Variants in NLGN4X observed in about 807,000 individuals in gnomAD.
The protein encoded by NLGN4X is neuroligin 4 X-linked, also known as neuroligin-4, X-linked.
Under a neutral mutation model 40.3 loss-of-function variants are expected in NLGN4X, and 3 were observed. The observed-to-expected ratio is 0.07, with a 90% confidence interval of 0.03 to 0.19. The LOEUF is 0.19. NLGN4X is among the 10% of genes least tolerant of loss of function. The pLI is 1.00. For synonymous variants in NLGN4X, 270 were observed against 306.8 expected (o/e 0.88, Z 1.25); for missense variants, 382 against 708.3 (o/e 0.54, Z 5.23).
In NLGN4X at chrX:6,148,368, C is replaced by A. The variant is rs139641755; in HGVS notation, c.472+2627G>T. ...TGCTCTCTCTCCTGCTAAATAAAAGCATTGATCTGAACTGAGATACTCCCT... is the reference window on the plus strand; with the variant it reads ...TGCTCTCTCTCCTGCTAAATAAAAGAATTGATCTGAACTGAGATACTCCCT... On this transcript the variant is annotated intron_variant, in intron 2 of 5. Coordinates refer to ENST00000381095, the MANE Select transcript of NLGN4X (RefSeq NM_181332.3). Among the ~76,000 whole-genome samples, 556 of 111,809 alleles carry A rather than the reference C, an allele frequency of 5.0e-3. 5 individuals carry two copies. In the South Asian group the frequency reaches 0.055, roughly 11 times the overall value.
At chrX:6,224,385 C>T (rs1265729372) in intron 1 of NLGN4X, among the ~76,000 whole-genome samples, 1 of 111,689 alleles carries the variant, frequency 9.0e-6, no homozygotes, top group Non-Finnish European at 1.9e-5. Context: ...TTAAAGAGAC[C>T]CCTGCACTTC....
intron 2 of NLGN4X, among the ~76,000 whole-genome samples, chrX:6,036,608 G>GTGCACA (rs1555955013): frequency 1.3e-5 from 1 of 75,640 alleles, no homozygotes; most frequent in Non-Finnish European, 2.6e-5. Context: ...CTTGTGGCTG[G>GTGCACA]CGCACACACA....
At chrX:5,965,123 G>T (rs2146993708) in intron 3 of NLGN4X, among the ~76,000 whole-genome samples, 1 of 111,744 alleles carries the variant, frequency 8.9e-6, no homozygotes, top group African/African-American at 3.2e-5. Flanking sequence ...CTATTAAATT[G>T]AATGGCTTAT....
chrX:6,138,596 A>C (rs1488231332), intron 2 of NLGN4X, among the ~76,000 whole-genome samples: 1 of 111,912 alleles, frequency 8.9e-6, no homozygotes. Context: ...TATCTCAAAA[A>C]TGCTCTGGGT....
intron 2 of NLGN4X, among the ~76,000 whole-genome samples, chrX:6,139,829 T>C (rs1304298525): frequency 8.9e-6 from 1 of 111,801 alleles, no homozygotes; most frequent in African/African-American, 3.3e-5. Context: ...TCTATGCTGA[T>C]TGCAAATAAT....
rs760510825 is a variant in NLGN4X at position 5,991,260 on chromosome X, T to C, written c.625+38020A>G. 2.6e-3 allele frequency among the ~76,000 whole-genome samples: 289 copies of C among 110,148 alleles called. 1 individual carries two copies. Among genetic ancestry groups the C allele is most frequent in the South Asian group, 8.2e-3 (21 of 2,560 alleles). The stretch of plus-strand genomic sequence containing the variant: ...AAATATTTCCTTTCCTTTTTTTTTT[T>C]CCCCCAAAGGAACAATATCCAATGA... On this transcript the variant is annotated intron_variant, in intron 3 of 5. Coordinates refer to ENST00000381095, the MANE Select transcript of NLGN4X (RefSeq NM_181332.3).
At chrX:5,915,910 C>T (rs977519866) in intron 3 of NLGN4X, among the ~76,000 whole-genome samples, 3 of 112,148 alleles carry the variant, frequency 2.7e-5, no homozygotes, top group Admixed American at 1.9e-4. Context: ...GACTCTCATT[C>T]AATTGGCTGT....
At chrX:6,225,976 G>C (rs1388050312) in intron 1 of NLGN4X, among the ~76,000 whole-genome samples, 1 of 104,559 alleles carries the variant, frequency 9.6e-6, no homozygotes, top group East Asian at 3.0e-4. Flanking sequence ...GATCCAGCTC[G>C]CAAGAACATC....
At chrX:6,095,108 TG>T (rs2038737589) in intron 2 of NLGN4X, among the ~76,000 whole-genome samples, 2 of 25,329 alleles carry the variant, frequency 7.9e-5, no homozygotes, top group East Asian at 1.2e-3. Flanking sequence ...CGTGCGTGTG[TG>T]TGTGTGTGTG....
chrX:6,022,110 A>G (rs1272652172), intron 3 of NLGN4X, among the ~76,000 whole-genome samples: 1 of 111,608 alleles, frequency 9.0e-6, no homozygotes, highest in East Asian at 2.8e-4. Context: ...TCCTCATTTA[A>G]CTTTTTGCAG....
intron 3 of NLGN4X, among the ~76,000 whole-genome samples, chrX:6,013,478 C>A (rs1282643405): frequency 9.0e-6 from 1 of 110,871 alleles, no homozygotes; most frequent in East Asian, 2.8e-4. Flanking sequence ...GAGTCAAAAA[C>A]CCTGCAACGG....
intron 1 of NLGN4X, among the ~76,000 whole-genome samples, chrX:6,197,216 A>C (rs1248205030): frequency 3.6e-5 from 4 of 111,218 alleles, no homozygotes; most frequent in Non-Finnish European, 5.7e-5. Flanking sequence ...AGAAGGCCAC[A>C]AGACAGAACG....
intron 3 of NLGN4X, 60 bp downstream of exon 3, chrX:6,029,220 C>G: frequency 8.6e-7 from 1 of 1,169,506 alleles, no homozygotes. Flanking sequence ...CCCGTCAAAA[C>G]GAGAAGTGGA....
intron 2 of NLGN4X, among the ~76,000 whole-genome samples, chrX:6,055,716 A>G (rs1024033455): frequency 9.8e-5 from 11 of 112,410 alleles, no homozygotes; most frequent in Non-Finnish European, 5.6e-5. Context: ...TATTTAACAC[A>G]TTAAATATAA....
intron 3 of NLGN4X, among the ~76,000 whole-genome samples, chrX:5,997,052 T>C (rs2035838802): frequency 9.0e-6 from 1 of 110,993 alleles, no homozygotes; most frequent in Non-Finnish European, 1.9e-5. Context: ...CGGTCGGAAG[T>C]TAGTAGTTCC....
rs970193401 is a variant in NLGN4X, at chrX:6,073,164, C to A, written c.473-43732G>T. 1.4e-4 allele frequency among the ~76,000 whole-genome samples: 16 copies of A among 111,819 alleles called. No homozygotes were observed. The Admixed American group carries it at 1.5e-3, about 11-fold the overall frequency. ...TCTTAAATGCTGCAACCTACTTATT[C>A]CTCCTGGGAATCCCTATGGTACAAG... On this transcript the variant is annotated intron_variant, in intron 2 of 5. Coordinates refer to ENST00000381095, the MANE Select transcript of NLGN4X (RefSeq NM_181332.3).
chrX:6,140,078 T>C lies in NLGN4X; in HGVS notation c.472+10917A>G, dbSNP rs192869325. ...ATGTCATAAAAGACAGAGAAGAGAG[T>C]AGAATGTAGCTAAAGACATCCATTT... On this transcript the variant is annotated intron_variant, in intron 2 of 5. Transcript: ENST00000381095. Among the ~76,000 whole-genome samples, 580 of 110,934 alleles carry C rather than the reference T, an allele frequency of 5.2e-3. 7 individuals carry two copies. Among genetic ancestry groups the C allele is most frequent in the Admixed American group, 0.051 (529 of 10,345 alleles).
chrX:5,924,924 G>C (rs1354538480), intron 3 of NLGN4X, among the ~76,000 whole-genome samples: 3 of 110,017 alleles, frequency 2.7e-5, no homozygotes, highest in Non-Finnish European at 5.7e-5. Flanking sequence ...TTGGGTAATG[G>C]GTGCACCAAA....
intron 2 of NLGN4X, among the ~76,000 whole-genome samples, chrX:6,117,515 G>C (rs1397177040): frequency 1.8e-5 from 2 of 111,551 alleles, no homozygotes; most frequent in Admixed American, 9.6e-5. Flanking sequence ...CCAGCAGTGA[G>C]AGAAAAACTT....
Sources: gnomAD v4.1 joint callset for allele counts (sites outside exome capture counted in the v4.1 genomes callset) on GRCh38, gnomAD v4.1.1 for gene constraint, MANE v1.5 for transcripts, NCBI Gene and HGNC (gene_info 2026-07-23, HGNC 2026-07-21) for gene names.